The following WIF1 variants were observed in gnomAD, a reference collection of about 807,000 sequenced individuals.
WIF1 encodes Wnt inhibitory factor 1.
WIF1 carries 35 observed loss-of-function variants against 53.5 expected under a neutral mutation model. That is an observed-to-expected ratio of 0.65 (90% CI 0.50 to 0.87). The LOEUF is 0.87. Among genes scored for constraint, WIF1 ranks in the 40% least tolerant of loss-of-function variants. WIF1 has a pLI of 0.00. For missense variants in WIF1, 467 were observed against 476.8 expected (o/e 0.98, Z 0.19); for synonymous variants, 171 against 170.4 (o/e 1.00, Z -0.03).
At chr12:65,080,909 G>A (rs1358883238) in intron 2 of WIF1, among the ~76,000 whole-genome samples, 1 of 151,900 alleles carries the variant, frequency 6.6e-6, no homozygotes, top group Non-Finnish European at 1.5e-5. Context: ...CTTTCTATGT[G>A]TGATATATTT....
chr12:65,073,795 A>G (rs1254411479), intron 3 of WIF1, among the ~76,000 whole-genome samples: 1 of 152,330 alleles, frequency 6.6e-6, no homozygotes, highest in South Asian at 2.1e-4. Context: ...CTGCTCTGCA[A>G]TGGTGTAAGG....
In WIF1 at chr12:65,084,432, G is replaced by A. The variant is rs1883004503; in HGVS notation, c.289-6578C>T. Among the ~76,000 whole-genome samples, 4 of 152,128 alleles carry A rather than the reference G, an allele frequency of 2.6e-5. No individual in the cohort carries two copies. In the South Asian group the frequency reaches 8.3e-4, roughly 32 times the overall value. On this transcript the variant is annotated intron_variant, in intron 2 of 9. Coordinates refer to ENST00000286574, the MANE Select transcript of WIF1 (RefSeq NM_007191.5). ...TCCCCAACAGGCATCATCTTCTGGA[G>A]CTCACTGGCCCGAGGTGATACCATA...
chr12:65,118,009 C>G (rs1883538800), intron 2 of WIF1, among the ~76,000 whole-genome samples: 1 of 152,180 alleles, frequency 6.6e-6, no homozygotes, highest in Admixed American at 6.5e-5. Context: ...TCCTTCGTTA[C>G]TGGACTAATA....
At position 65,120,541 on chromosome 12, in the gene WIF1, A is replaced by AT. The variant is rs1883585835; in HGVS notation, c.163dup (p.Ile55AsnfsTer15). 6.2e-7 allele frequency: 1 copy of AT among 1,609,926 alleles called. No homozygotes were observed. Among genetic ancestry groups the AT allele is most frequent in the African/African-American group, 1.3e-5 (1 of 74,612 alleles). ...CATTTTCCCCTCTGAAACAATCAGG[A>AT]TATCTTCTTCAAATCCTGGTTTTTA... is the stretch of plus-strand genomic sequence containing the variant. On this transcript the variant is annotated frameshift_variant, in exon 2 of 10. Coordinates refer to ENST00000286574, the MANE Select transcript of WIF1 (RefSeq NM_007191.5). LOFTEE classifies it high-confidence loss of function.
intron 3 of WIF1, among the ~76,000 whole-genome samples, chr12:65,069,787 G>A (rs1271724644): frequency 6.6e-6 from 1 of 152,162 alleles, no homozygotes; most frequent in East Asian, 1.9e-4. Flanking sequence ...ATCACTGGGT[G>A]AAAATGGGGC....
intron 2 of WIF1, among the ~76,000 whole-genome samples, chr12:65,108,067 C>T (rs999172720): frequency 3.3e-5 from 5 of 152,316 alleles, no homozygotes; most frequent in Non-Finnish European, 5.9e-5. Flanking sequence ...TTCACTCCTC[C>T]CCCAGCCGAG....
intron 2 of WIF1, among the ~76,000 whole-genome samples, chr12:65,112,628 C>T (rs1323729921): frequency 1.3e-5 from 2 of 152,132 alleles, no homozygotes; most frequent in African/African-American, 2.4e-5. Context: ...GAGAAACTTC[C>T]CTGAGTTGTT....
Position 65,067,776 on chromosome 12 carries a change from C to A in WIF1, c.553G>T (p.Gly185Trp), listed in dbSNP as rs753641125. 2 of 1,613,030 alleles carry A rather than the reference C, an allele frequency of 1.2e-6. No homozygotes were observed. The highest frequency in any genetic ancestry group is 1.3e-5 in the African/African-American group (1 of 74,862). ...KTCQQAECPGGCRNGGFCNER... is the reference protein window; with the variant it reads ...KTCQQAECPGWCRNGGFCNER... ...TTACAAAAGCCTCCATTTCGGCACC[C>A]GCCTGGGCACTCAGCTTCAGCAGAG... is the stretch of plus-strand genomic sequence containing the variant. The change falls in exon 5 of 10, where the codon GGG (glycine) becomes TGG (tryptophan). Residue 185 changes from glycine (G) to tryptophan (W), a missense_variant. Coordinates refer to ENST00000286574, the MANE Select transcript of WIF1 (RefSeq NM_007191.5).
At position 65,121,138 on chromosome 12, in the gene WIF1, G is replaced by A. The variant is rs1342578040; in HGVS notation, c.54C>T (p.Leu18=). The change falls in exon 1 of 10, where the codon CTC becomes CTT. Residue 18 remains leucine (L), a synonymous_variant. Transcript: ENST00000286574. The part of the protein sequence containing the change: ...PAAALWLWSI[L]LCLLALRAEA... ...CCGCCCGCAGTGCCAGCAGGCACAG[G>A]AGGATGCTCCAGAGCCAGAGCGCGG... The A allele has an allele frequency of 3.2e-6, 5 of 1,550,750 alleles. No individual in the cohort carries two copies. The Admixed American group carries it at 5.9e-5, about 18-fold the overall frequency.
At position 65,121,016 on chromosome 12, in the gene WIF1, G is replaced by A. The variant is rs537290700; in HGVS notation, c.148+28C>T. 29 of 1,436,182 alleles carry A rather than the reference G, an allele frequency of 2.0e-5. No individual in the cohort carries two copies. In the South Asian group the frequency reaches 3.7e-4, roughly 19 times the overall value. 89.0% of individuals were successfully genotyped at this position (1,436,182 alleles called of 1,614,324 possible). On this transcript the variant is annotated intron_variant, in intron 1 of 9. Transcript: ENST00000286574. Reference sequence around the variant, plus strand: ...AGTGGAGAGAGGAGGACATAGGCAGGGGAAGGCGCTGGAGGCGGGGGCCTT... The same window carrying A: ...AGTGGAGAGAGGAGGACATAGGCAGAGGAAGGCGCTGGAGGCGGGGGCCTT...
chr12:65,053,365 A>G (rs747471972), intron 9 of WIF1, among the ~76,000 whole-genome samples: 22 of 152,178 alleles, frequency 1.4e-4, no homozygotes, highest in Non-Finnish European at 1.9e-4. Context: ...TTGAATTGTA[A>G]TCCCCATAAT....
At chr12:65,092,024 G>A (rs528285093) in intron 2 of WIF1, among the ~76,000 whole-genome samples, 4 of 152,174 alleles carry the variant, frequency 2.6e-5, no homozygotes, top group South Asian at 4.2e-4. Flanking sequence ...GTAATGACAG[G>A]CACTATGTGG....
intron 2 of WIF1, among the ~76,000 whole-genome samples, chr12:65,097,198 A>G (rs1014393909): frequency 6.6e-6 from 1 of 152,046 alleles, no homozygotes; most frequent in Admixed American, 6.6e-5. Flanking sequence ...ATTATACACC[A>G]GTCAGTATCA....
chr12:65,110,805 C>T (rs1883419113), intron 2 of WIF1, among the ~76,000 whole-genome samples: 1 of 152,278 alleles, frequency 6.6e-6, no homozygotes, highest in East Asian at 1.9e-4. Context: ...AAAAGTTAAT[C>T]AATTAAAACC....
At chr12:65,119,451 C>T (rs7311348) in intron 2 of WIF1, among the ~76,000 whole-genome samples, 19,190 of 152,000 alleles carry the variant, frequency 0.13, 1,474 homozygotes, top group African/African-American at 0.21. Context: ...ATGTCTATAC[C>T]ACAACAGGTA....
intron 2 of WIF1, among the ~76,000 whole-genome samples, chr12:65,112,618 G>A (rs1395676482): frequency 6.6e-6 from 1 of 152,140 alleles, no homozygotes; most frequent in Non-Finnish European, 1.5e-5. Flanking sequence ...GCCAAGAAGA[G>A]AGAAACTTCC....
At chr12:65,079,164 C>CAAAAAAAAAAAAAAAAAAAAAAAAAAA (rs1226121849) in intron 2 of WIF1, among the ~76,000 whole-genome samples, 1 of 80,112 alleles carries the variant, frequency 1.2e-5, no homozygotes, top group Non-Finnish European at 2.2e-5. Flanking sequence ...GACTCCATCT[C>CAAAAAAAAAAAAAAAAAAAAAAAAAAA]AAAAAAAAAA....
In WIF1 at chr12:65,094,401, A is replaced by T. The variant is rs544761906; in HGVS notation, c.289-16547T>A. Among the ~76,000 whole-genome samples, 17 of 152,316 alleles carry T rather than the reference A, an allele frequency of 1.1e-4. No individual in the cohort carries two copies. The South Asian group carries it at 3.5e-3, about 32-fold the overall frequency. On this transcript the variant is annotated intron_variant, in intron 2 of 9. Transcript: ENST00000286574. Reference sequence around the variant, plus strand: ...AGCAAAGACATGCTCTCATGTGAAGATCCCAAATGCCTGGGAAGCCATTAT... The same window carrying T: ...AGCAAAGACATGCTCTCATGTGAAGTTCCCAAATGCCTGGGAAGCCATTAT...
At position 65,086,627 on chromosome 12, in the gene WIF1, G is replaced by A. The variant is rs535905984; in HGVS notation, c.289-8773C>T. Among the ~76,000 whole-genome samples, 119 of 152,088 alleles carry A rather than the reference G, an allele frequency of 7.8e-4. 1 individual carries two copies. Among genetic ancestry groups the A allele is most frequent in the Admixed American group, 3.8e-3 (58 of 15,254 alleles). On this transcript the variant is annotated intron_variant, in intron 2 of 9. Coordinates refer to ENST00000286574, the MANE Select transcript of WIF1 (RefSeq NM_007191.5). ...GTGCCCAGAAAGCAGCAGTGTGTGT[G>A]CAGGTACTTGGGAGAAGAAGGGAGA...
Sources: allele counts gnomAD v4.1 joint callset (sites outside exome capture counted in the v4.1 genomes callset), GRCh38; gene constraint gnomAD v4.1.1; transcripts MANE v1.5; gene names NCBI Gene and HGNC (gene_info 2026-07-23, HGNC 2026-07-21).